Variants in PCDH9 observed in about 807,000 individuals in gnomAD.
PCDH9 encodes the protein protocadherin 9, also known as protocadherin-9.
Under a neutral mutation model 70.6 loss-of-function variants are expected in PCDH9, and 24 were observed. The observed-to-expected ratio is 0.34, with a 90% CI of 0.25 to 0.48. The LOEUF (loss-of-function observed/expected upper bound fraction) is 0.48, where lower values mean the gene tolerates loss of function less well. PCDH9 is among the 20% of genes least tolerant of loss of function. PCDH9 has a pLI of 0.99. For missense variants in PCDH9, 1,281 were observed against 1,503.6 expected (o/e 0.85, Z 2.45); for synonymous variants, 562 against 558.5 (o/e 1.01, Z -0.09).
intron 2 of PCDH9, among the ~76,000 whole-genome samples, chr13:67,042,642 A>G (rs1046582571): frequency 1.6e-4 from 24 of 152,344 alleles, no homozygotes; most frequent in African/African-American, 5.0e-4. Context: ...TCTTTACATT[A>G]GCAATTGTCT....
At chr13:66,367,650 A>G (rs1200140446) in intron 4 of PCDH9, among the ~76,000 whole-genome samples, 1 of 152,168 alleles carries the variant, frequency 6.6e-6, no homozygotes, top group Non-Finnish European at 1.5e-5. Context: ...TGGCAAGCAT[A>G]GGGAGCTGCA....
intron 3 of PCDH9, among the ~76,000 whole-genome samples, chr13:66,781,674 A>T (rs1300982394): frequency 6.6e-6 from 1 of 152,142 alleles, no homozygotes; most frequent in African/African-American, 2.4e-5. Context: ...GCTTCTGTAA[A>T]ATACTAAACT....
At chr13:66,847,771 G>A (rs570870898) in intron 3 of PCDH9, among the ~76,000 whole-genome samples, 1 of 152,232 alleles carries the variant, frequency 6.6e-6, no homozygotes, top group African/African-American at 2.4e-5. Flanking sequence ...AGTGACTAAC[G>A]AGCAGGCAGC....
At chr13:66,404,583 G>A (rs1957247657) in intron 4 of PCDH9, among the ~76,000 whole-genome samples, 2 of 152,114 alleles carry the variant, frequency 1.3e-5, no homozygotes, top group South Asian at 2.1e-4. Context: ...CAAGAAGAGA[G>A]GAAGGGAGGG....
intron 4 of PCDH9, among the ~76,000 whole-genome samples, chr13:66,464,380 T>C (rs1057491098): frequency 4.0e-5 from 6 of 151,806 alleles, no homozygotes; most frequent in Admixed American, 2.0e-4. Flanking sequence ...TTTTACCCAT[T>C]AGTAATAAAT....
chr13:66,834,834 G>A (rs1261615676), intron 3 of PCDH9, among the ~76,000 whole-genome samples: 2 of 152,178 alleles, frequency 1.3e-5, no homozygotes, highest in Non-Finnish European at 1.5e-5. Context: ...TCAGCAAAAG[G>A]CTAATGAACC....
intron 3 of PCDH9, among the ~76,000 whole-genome samples, chr13:66,850,267 C>T (rs1249269047): frequency 2.6e-5 from 4 of 152,124 alleles, no homozygotes; most frequent in Non-Finnish European, 4.4e-5. Context: ...GCCTGTAATG[C>T]CAGCATTTTG....
intron 4 of PCDH9, among the ~76,000 whole-genome samples, chr13:66,418,388 G>A (rs1957499681): frequency 1.3e-5 from 2 of 152,296 alleles, no homozygotes; most frequent in South Asian, 4.1e-4. Flanking sequence ...CCAGCACAAT[G>A]TTGTTTGGTT....
intron 4 of PCDH9, among the ~76,000 whole-genome samples, chr13:66,551,640 A>G (rs1297577522): frequency 6.6e-6 from 1 of 152,180 alleles, no homozygotes; most frequent in Non-Finnish European, 1.5e-5. Flanking sequence ...TCAAGTCTGA[A>G]GCAGAAACAA....
intron 2 of PCDH9, among the ~76,000 whole-genome samples, chr13:67,055,881 G>A (rs563152861): frequency 9.3e-4 from 141 of 152,072 alleles, no homozygotes; most frequent in African/African-American, 3.2e-3. Context: ...GGCCAGGGAC[G>A]GTGGCTTAAG....
intron 2 of PCDH9, among the ~76,000 whole-genome samples, chr13:67,192,421 A>G (rs542778992): frequency 3.3e-5 from 5 of 152,328 alleles, no homozygotes; most frequent in African/African-American, 1.2e-4. Context: ...CCAGTCAGAA[A>G]TAATAGCTTC....
chr13:67,016,669 T>C (rs552398355), intron 2 of PCDH9, among the ~76,000 whole-genome samples: 31 of 152,326 alleles, frequency 2.0e-4, no homozygotes, highest in Admixed American at 6.5e-4. Flanking sequence ...TTCTCTCCAA[T>C]AGTTCACTGA....
intron 3 of PCDH9, among the ~76,000 whole-genome samples, chr13:66,733,192 C>T (rs1010874613): frequency 2.0e-5 from 3 of 151,986 alleles, no homozygotes; most frequent in Admixed American, 2.0e-4. Context: ...TAAACTTAGT[C>T]ATTAGGGAGT....
At chr13:66,354,087 A>G (rs1005636420) in intron 4 of PCDH9, among the ~76,000 whole-genome samples, 3 of 152,146 alleles carry the variant, frequency 2.0e-5, no homozygotes, top group Non-Finnish European at 4.4e-5. Context: ...CTCTCTTATC[A>G]CTTTATTCGT....
chr13:66,662,666 A>G lies in PCDH9; in HGVS notation c.3139-31255T>C, dbSNP rs150862078. Among the ~76,000 whole-genome samples, 50 of 152,288 alleles carry G rather than the reference A, an allele frequency of 3.3e-4. 1 individual carries two copies. Among genetic ancestry groups the G allele is most frequent in the African/African-American group, 1.1e-3 (44 of 41,566 alleles). On this transcript the variant is annotated intron_variant, in intron 3 of 4. Transcript: ENST00000377865. ...GTTTGAAGAGTTATGTGGGGAAACA[A>G]TGGATGGGCGAATGAAGAAACAATG...
chr13:66,951,713 T>A (rs2083184434), intron 2 of PCDH9, among the ~76,000 whole-genome samples: 1 of 152,192 alleles, frequency 6.6e-6, no homozygotes, highest in Non-Finnish European at 1.5e-5. Context: ...TCAGATTTGA[T>A]GGTGCTATCT....
At chr13:66,962,646 AT>A (rs1353807686) in intron 2 of PCDH9, among the ~76,000 whole-genome samples, 1 of 152,204 alleles carries the variant, frequency 6.6e-6, no homozygotes, top group Admixed American at 6.5e-5. Flanking sequence ...AATATAGAAA[AT>A]ATTGTATTAT....
At chr13:66,816,501 T>G (rs1391202363) in intron 3 of PCDH9, among the ~76,000 whole-genome samples, 1 of 152,096 alleles carries the variant, frequency 6.6e-6, no homozygotes, top group Non-Finnish European at 1.5e-5. Context: ...TACTTTAAAT[T>G]TATTCCTTTT....
intron 2 of PCDH9, among the ~76,000 whole-genome samples, chr13:67,076,156 C>T (rs1280481349): frequency 1.3e-5 from 2 of 152,060 alleles, no homozygotes; most frequent in Admixed American, 1.3e-4. Flanking sequence ...GCATGTTGAG[C>T]ACTTTCTATG....
Sources: gnomAD v4.1 joint callset for allele counts (sites outside exome capture counted in the v4.1 genomes callset) on GRCh38, gnomAD v4.1.1 for gene constraint, MANE v1.5 for transcripts, NCBI Gene and HGNC (gene_info 2026-07-23, HGNC 2026-07-21) for gene names.